ZNF469: variants seen among roughly 807,000 people sequenced by gnomAD.
ZNF469 encodes zinc finger protein 469.
ZNF469 carries 1 observed loss-of-function variant against 1.0 expected under a neutral mutation model. That is an observed-to-expected ratio of 1.00 (90% CI 0.35 to 4.73). The LOEUF (loss-of-function observed/expected upper bound fraction) is 4.73. Ranked by LOEUF, ZNF469 falls within the 30% of genes most tolerant of loss-of-function variation. ZNF469 has a pLI of 0.16. For missense variants in ZNF469, 6,100 were observed against 5,356.3 expected (o/e 1.14, Z -4.33); for synonymous variants, 2,703 against 2,363.4 (o/e 1.14, Z -4.17).
At chr16:88,275,545 C>T in the ZNF469 span, among the ~76,000 whole-genome samples, 1 of 152,170 alleles carries the variant, frequency 6.6e-6, no homozygotes, top group African/African-American at 2.4e-5. Context: ...TGGAGTGGCT[C>T]GGGCCCTCAC....
At chr16:88,332,437 G>A in the ZNF469 span, among the ~76,000 whole-genome samples, 87 of 152,312 alleles carry the variant, frequency 5.7e-4, no homozygotes, top group Admixed American at 1.2e-3. Flanking sequence ...TCCTGGCAGT[G>A]CTGAGCACCG....
chr16:88,171,929 C>T, the ZNF469 span, among the ~76,000 whole-genome samples: 2 of 152,216 alleles, frequency 1.3e-5, no homozygotes, highest in African/African-American at 2.4e-5. Flanking sequence ...CCTCCTGCTG[C>T]TGTAAACTAC....
chr16:88,433,414 C>T lies in ZNF469; in HGVS notation c.5944C>T (p.His1982Tyr). 2 of 1,550,374 alleles carry T rather than the reference C, an allele frequency of 1.3e-6. No individual in the cohort carries two copies. Among genetic ancestry groups the T allele is most frequent in the Non-Finnish European group, 1.7e-6 (2 of 1,146,958 alleles). The change falls in exon 3 of 3, where the codon CAT (histidine) becomes TAT (tyrosine). Residue 1982 changes from histidine (H) to tyrosine (Y), a missense_variant. Coordinates refer to ENST00000565624, the MANE Select transcript of ZNF469 (RefSeq NM_001367624.2). ...TCAGCTGGGGCTGGAGGCAGATGGA[C>T]ATTGGGGCTTGCTTGGCCAAGCCGA... is the stretch of plus-strand genomic sequence containing the variant. ...GHQLGLEADG[H>Y]WGLLGQAEKT...
chr16:88,230,584 AC>A, the ZNF469 span, among the ~76,000 whole-genome samples: 1 of 117,202 alleles, frequency 8.5e-6, no homozygotes, highest in Non-Finnish European at 2.0e-5. Flanking sequence ...GCTGTGGGTA[AC>A]TGGGCTCTGA....
At chr16:88,347,986 C>T in the ZNF469 span, among the ~76,000 whole-genome samples, 1 of 152,228 alleles carries the variant, frequency 6.6e-6, no homozygotes, top group East Asian at 1.9e-4. Context: ...GCCCAGAGGC[C>T]CAAACGGTCT....
the ZNF469 span, among the ~76,000 whole-genome samples, chr16:88,149,064 C>T: frequency 2.0e-5 from 3 of 152,144 alleles, no homozygotes; most frequent in Admixed American, 2.0e-4. Flanking sequence ...CACCTGTGTT[C>T]CCTGGGGTCA....
chr16:88,352,886 G>A, the ZNF469 span, among the ~76,000 whole-genome samples: 2 of 152,334 alleles, frequency 1.3e-5, no homozygotes, highest in South Asian at 2.1e-4. Flanking sequence ...CCCACCGAGT[G>A]AGACGGCTCC....
At chr16:88,127,141 G>A in the ZNF469 span, among the ~76,000 whole-genome samples, 3 of 152,106 alleles carry the variant, frequency 2.0e-5, no homozygotes, top group Non-Finnish European at 4.4e-5. Context: ...TGTTTTCTGG[G>A]ATGGATTTGC....
At chr16:88,296,975 G>T in the ZNF469 span, among the ~76,000 whole-genome samples, 2 of 152,238 alleles carry the variant, frequency 1.3e-5, no homozygotes, top group African/African-American at 4.8e-5. Flanking sequence ...ACAGACTGAT[G>T]TTGGCCACTG....
the ZNF469 span, chr16:88,294,789 C>G: frequency 6.6e-6 from 1 of 152,388 alleles, no homozygotes; most frequent in African/African-American, 2.4e-5. Flanking sequence ...GGTGCCCACG[C>G]AGCCCTCATA....
Position 88,438,200 on chromosome 16 carries a change from G to A in ZNF469, c.10730G>A (p.Arg3577Lys). ...TGCGCGCTGGACGGAGCCCTGGAGA[G>A]GCCAGAGAACGAGGCTTCCCCAGGC... ...GDCALDGALE[R>K]PENEASPGSP... The change falls in exon 3 of 3, where the codon AGG becomes AAG. Residue 3577 changes from arginine (R) to lysine (K), a missense_variant. By Grantham distance (26) the Arg-to-Lys change is conservative. Coordinates refer to ENST00000565624, the MANE Select transcript of ZNF469 (RefSeq NM_001367624.2). 3 of 1,547,274 alleles carry A rather than the reference G, an allele frequency of 1.9e-6. No homozygotes were observed. The highest frequency in any genetic ancestry group is 1.2e-5 in the South Asian group (1 of 83,978).
the ZNF469 span, among the ~76,000 whole-genome samples, chr16:88,208,810 CT>C: frequency 8.4e-5 from 1 of 11,866 alleles, no homozygotes; most frequent in Non-Finnish European, 3.6e-4. Context: ...CACACTCTCT[CT>C]CTCTCTCTCT....
the ZNF469 span, among the ~76,000 whole-genome samples, chr16:88,268,754 A>G: frequency 6.6e-6 from 1 of 152,122 alleles, no homozygotes; most frequent in Non-Finnish European, 1.5e-5. Flanking sequence ...GGGCCACCAT[A>G]ACATTTTTTT....
the ZNF469 span, among the ~76,000 whole-genome samples, chr16:88,128,624 G>A: frequency 6.6e-6 from 1 of 152,222 alleles, no homozygotes. Context: ...CTCCCGCAGA[G>A]GCAGGGGCTT....
the ZNF469 span, among the ~76,000 whole-genome samples, chr16:88,297,902 C>T: frequency 3.3e-5 from 5 of 152,270 alleles, no homozygotes; most frequent in East Asian, 9.7e-4. Flanking sequence ...TGGCTTTTGT[C>T]CCCAGGAGTC....
the ZNF469 span, among the ~76,000 whole-genome samples, chr16:88,281,882 C>T: frequency 5.9e-5 from 9 of 152,362 alleles, no homozygotes; most frequent in South Asian, 1.9e-3. Flanking sequence ...CAGGTTAGTG[C>T]TGTGCCACAC....
chr16:88,279,959 G>A, the ZNF469 span, among the ~76,000 whole-genome samples: 32 of 140,968 alleles, frequency 2.3e-4, 1 homozygote, highest in Middle Eastern at 4.8e-3. Flanking sequence ...GCTGCGCCAC[G>A]CTGACACTCG....
At chr16:88,407,026 G>A (rs1317671315) in intron 1 of ZNF469, among the ~76,000 whole-genome samples, 1 of 152,232 alleles carries the variant, frequency 6.6e-6, no homozygotes, top group Non-Finnish European at 1.5e-5. Context: ...GATCGCGCCT[G>A]TGATACTGGG....
chr16:88,122,888 G>A, the ZNF469 span, among the ~76,000 whole-genome samples: 2 of 152,010 alleles, frequency 1.3e-5, no homozygotes, highest in African/African-American at 2.4e-5. Flanking sequence ...TGTCCCCCAG[G>A]CTGGAGTGCA....
Sources: allele counts gnomAD v4.1 joint callset (sites outside exome capture counted in the v4.1 genomes callset), GRCh38; gene constraint gnomAD v4.1.1; transcripts MANE v1.5; gene names NCBI Gene and HGNC (gene_info 2026-07-23, HGNC 2026-07-21).